PPM1L: variants seen among roughly 807,000 people sequenced by gnomAD.
PPM1L encodes protein phosphatase, Mg2+/Mn2+ dependent 1L, also known as protein phosphatase 1L.
PPM1L carries 13 observed loss-of-function variants against 31.4 expected under a neutral mutation model. That is an observed-to-expected ratio of 0.41 (90% CI 0.27 to 0.66). The LOEUF is 0.66. Ranked by LOEUF, PPM1L falls within the 30% of genes least tolerant of loss-of-function variation. PPM1L has a pLI of 0.29. For synonymous variants in PPM1L, 184 were observed against 175.4 expected (o/e 1.05, Z -0.39); for missense variants, 326 against 453.7 (o/e 0.72, Z 2.56).
intron 1 of PPM1L, among the ~76,000 whole-genome samples, chr3:160,758,627 A>G (rs1177836242): frequency 6.6e-6 from 1 of 152,162 alleles, no homozygotes; most frequent in Non-Finnish European, 1.5e-5. Flanking sequence ...TTTTAAGTTG[A>G]TACTGTAAAA....
chr3:160,768,137 A>G (rs1286665208), intron 1 of PPM1L, among the ~76,000 whole-genome samples: 7 of 152,164 alleles, frequency 4.6e-5, no homozygotes, highest in Admixed American at 6.6e-5. Flanking sequence ...CTTCTGGTTT[A>G]TTTGAGCACT....
In PPM1L at chr3:161,075,701, A is replaced by G. The variant is rs895699678; in HGVS notation, c.*6544A>G. ...AGTAATATAAAAGGAAATATTTTAA[A>G]TTAAGAAAAGGAGGTGTTATAGTTT... On this transcript the variant is annotated 3_prime_UTR_variant, in exon 4 of 4. Transcript: ENST00000498165. The G allele has an allele frequency of 2.6e-5, 4 of 152,242 alleles. No individual in the cohort carries two copies. Among genetic ancestry groups the G allele is most frequent in the Non-Finnish European group, 5.9e-5 (4 of 68,046 alleles). 9.4% of individuals were successfully genotyped at this position (152,242 alleles called of 1,614,324 possible). A position where few individuals can be genotyped will look rare whatever the true frequency, so the allele number is the denominator to read the frequency against.
chr3:160,842,950 T>C (rs1713935110), intron 1 of PPM1L, among the ~76,000 whole-genome samples: 1 of 152,192 alleles, frequency 6.6e-6, no homozygotes, highest in Non-Finnish European at 1.5e-5. Context: ...ATTTGTCTTA[T>C]TCTTTTAGAC....
At chr3:160,985,909 G>A (rs1176031752) in intron 2 of PPM1L, among the ~76,000 whole-genome samples, 1 of 150,848 alleles carries the variant, frequency 6.6e-6, no homozygotes, top group South Asian at 2.1e-4. Context: ...GATGATTAAT[G>A]TATGATTTTT....
rs566797835 is a variant in PPM1L, at chr3:160,969,750, G to A, written c.574+7840G>A. Among the ~76,000 whole-genome samples the A allele has an allele frequency of 8.2e-4, 125 of 152,242 alleles. 1 individual carries two copies. Among genetic ancestry groups the A allele is most frequent in the African/African-American group, 2.8e-3 (117 of 41,538 alleles). The stretch of plus-strand genomic sequence containing the variant: ...AATTTGGAAGGAAGACAAAAACAGA[G>A]ACCCAAAAGAAACTAATAAAGGGAA... On this transcript the variant is annotated intron_variant, in intron 2 of 3. Transcript: ENST00000498165.
intron 2 of PPM1L, among the ~76,000 whole-genome samples, chr3:160,989,671 A>T (rs778645): frequency 0.64 from 96,937 of 151,964 alleles, 33,677 homozygotes; most frequent in East Asian, 0.98. Context: ...CTATTTATTA[A>T]TTTTTAGAAA....
intron 2 of PPM1L, among the ~76,000 whole-genome samples, chr3:160,990,874 C>A (rs1026716836): frequency 6.6e-6 from 1 of 152,002 alleles, no homozygotes; most frequent in African/African-American, 2.4e-5. Flanking sequence ...CTCTAGTGTC[C>A]CTTTCCCTTG....
chr3:160,802,239 C>A (rs1712450829), intron 1 of PPM1L, among the ~76,000 whole-genome samples: 1 of 152,222 alleles, frequency 6.6e-6, no homozygotes, highest in Non-Finnish European at 1.5e-5. Context: ...ACCTTCCTTT[C>A]TCTCACCCTG....
Position 160,756,295 on chromosome 3 carries a change from T to G in PPM1L, c.-14T>G, listed in dbSNP as rs533375271. 1 of 1,596,856 alleles carries G rather than the reference T, an allele frequency of 6.3e-7. No individual in the cohort carries two copies. Among genetic ancestry groups the G allele is most frequent in the Non-Finnish European group, 8.6e-7 (1 of 1,168,476 alleles). On this transcript the variant is annotated 5_prime_UTR_variant, in exon 1 of 4. Transcript: ENST00000498165. This position sits in a 1 kb window ranked among gnomAD's most constrained non-coding sequence, Gnocchi z 6.2. ...GCGCGTCGCTGGTGGTGGTTGAGGCTCTAGCGATAATAAATGATAGAGGAT... is the reference window on the plus strand; with the variant it reads ...GCGCGTCGCTGGTGGTGGTTGAGGCGCTAGCGATAATAAATGATAGAGGAT...
At chr3:161,000,489 A>G (rs984456828) in intron 2 of PPM1L, among the ~76,000 whole-genome samples, 1 of 152,220 alleles carries the variant, frequency 6.6e-6, no homozygotes, top group East Asian at 1.9e-4. Flanking sequence ...GTAAAAATAC[A>G]AACAAAACAC....
intron 1 of PPM1L, among the ~76,000 whole-genome samples, chr3:160,942,139 A>G (rs983073457): frequency 2.6e-5 from 4 of 152,240 alleles, no homozygotes; most frequent in African/African-American, 9.6e-5. Flanking sequence ...CAAAACATGT[A>G]GAAGTTTAAG....
chr3:160,834,793 T>C (rs1560120281), intron 1 of PPM1L, among the ~76,000 whole-genome samples: 1 of 152,196 alleles, frequency 6.6e-6, no homozygotes, highest in Non-Finnish European at 1.5e-5. Flanking sequence ...TAGTATTCCA[T>C]TGTATGAATG....
At chr3:161,058,499 T>G (rs1404045455) in intron 2 of PPM1L, among the ~76,000 whole-genome samples, 1 of 151,994 alleles carries the variant, frequency 6.6e-6, no homozygotes, top group East Asian at 1.9e-4. Flanking sequence ...TCAGTACATA[T>G]GCATTGAGCA....
At chr3:160,851,810 A>G (rs1334806598) in intron 1 of PPM1L, among the ~76,000 whole-genome samples, 2 of 152,182 alleles carry the variant, frequency 1.3e-5, no homozygotes, top group Admixed American at 1.3e-4. Flanking sequence ...CCCAAGACAC[A>G]TTCTGCTGTT....
chr3:160,984,801 C>G (rs1488047539), intron 2 of PPM1L, among the ~76,000 whole-genome samples: 2 of 152,092 alleles, frequency 1.3e-5, no homozygotes, highest in African/African-American at 4.8e-5. Context: ...TGAACTCTTT[C>G]CTTTACAAGC....
At chr3:161,028,981 T>C (rs1310061927) in intron 2 of PPM1L, among the ~76,000 whole-genome samples, 6 of 152,234 alleles carry the variant, frequency 3.9e-5, no homozygotes, top group African/African-American at 1.4e-4. Context: ...ACTTTGGGTT[T>C]CATATTACAC....
At chr3:161,067,143 C>A (rs1232791319) in intron 3 of PPM1L, among the ~76,000 whole-genome samples, 1 of 152,182 alleles carries the variant, frequency 6.6e-6, no homozygotes, top group Non-Finnish European at 1.5e-5. Flanking sequence ...GATGTGTACA[C>A]AATACACCTG....
rs560720595 is a variant in PPM1L, at chr3:161,048,145, C to A, written c.575-17258C>A. Among the ~76,000 whole-genome samples the A allele has an allele frequency of 7.2e-4, 110 of 152,312 alleles. No individual in the cohort carries two copies. The East Asian group carries it at 0.02, about 28-fold the overall frequency. ...CAAAAGAAACTACCATCAGAGTGAA[C>A]AGGCAACCTACAGAATGGGAGAAAA... On this transcript the variant is annotated intron_variant, in intron 2 of 3. Transcript: ENST00000498165.
At chr3:160,794,932 G>A (rs954489808) in intron 1 of PPM1L, among the ~76,000 whole-genome samples, 8 of 152,226 alleles carry the variant, frequency 5.3e-5, no homozygotes, top group African/African-American at 1.9e-4. Context: ...AGGGGGTAAT[G>A]GTGAAATGAT....
Sources: allele counts gnomAD v4.1 joint callset (sites outside exome capture counted in the v4.1 genomes callset), GRCh38; gene constraint gnomAD v4.1.1; non-coding constraint Gnocchi (gnomAD v3.1); transcripts MANE v1.5; gene names NCBI Gene and HGNC (gene_info 2026-07-23, HGNC 2026-07-21).